Variants in WDFY3 observed in about 807,000 individuals in gnomAD.
WDFY3 encodes WD repeat and FYVE domain containing 3, also known as WD repeat and FYVE domain-containing protein 3.
In WDFY3, 66 loss-of-function variants were observed where a neutral mutation model predicts 409.6. The ratio of observed to expected loss-of-function variants is 0.16; its 90% CI spans 0.13 to 0.20. The LOEUF is 0.20. Ranked by LOEUF, WDFY3 falls within the 10% of genes least tolerant of loss-of-function variation. The pLI, the probability that WDFY3 is intolerant of heterozygous loss-of-function variation, is 1.00. For missense variants in WDFY3, 3,031 were observed against 4,298.1 expected (o/e 0.71, Z 8.24); for synonymous variants, 1,521 against 1,537.1 (o/e 0.99, Z 0.25).
intron 29 of WDFY3, among the ~76,000 whole-genome samples, chr4:84,774,052 T>C (rs1177146689): frequency 6.6e-6 from 1 of 152,172 alleles, no homozygotes; most frequent in Non-Finnish European, 1.5e-5. Context: ...TGAAGGCAAA[T>C]TAATAAAAAA....
At chr4:84,834,867 T>G (rs1756349867) in intron 7 of WDFY3, among the ~76,000 whole-genome samples, 1 of 152,156 alleles carries the variant, frequency 6.6e-6, no homozygotes, top group Non-Finnish European at 1.5e-5. Context: ...TTTAAAACAT[T>G]TAATAAGTTC....
chr4:84,785,830 C>A, intron 24 of WDFY3, 149 bp downstream of exon 24: 1 of 952,328 alleles, frequency 1.1e-6, no homozygotes, highest in Admixed American at 3.3e-5. Flanking sequence ...TTTTGGCCTA[C>A]ATTTGAAGTC....
At chr4:84,867,550 A>G (rs1761557940) in intron 3 of WDFY3, among the ~76,000 whole-genome samples, 1 of 152,218 alleles carries the variant, frequency 6.6e-6, no homozygotes, top group South Asian at 2.1e-4. Flanking sequence ...TAGCAATGAG[A>G]TAATTACTGC....
chr4:84,953,085 A>G (rs1301716396), intron 1 of WDFY3, among the ~76,000 whole-genome samples: 1 of 151,972 alleles, frequency 6.6e-6, no homozygotes, highest in Non-Finnish European at 1.5e-5. Flanking sequence ...TAAAAAATGG[A>G]ATATTATTCA....
intron 54 of WDFY3, 59 bp downstream of exon 54, chr4:84,705,335 C>T: frequency 1.5e-6 from 2 of 1,377,204 alleles, no homozygotes; most frequent in Non-Finnish European, 2.1e-6. Flanking sequence ...CAGACCGCTA[C>T]ATAATGACTT....
At chr4:84,895,770 C>T (rs190691934) in intron 3 of WDFY3, among the ~76,000 whole-genome samples, 15 of 152,050 alleles carry the variant, frequency 9.9e-5, no homozygotes, top group Non-Finnish European at 1.6e-4. Context: ...ACAAGTAATG[C>T]CACTGACAAA....
chr4:84,702,052 A>G (rs2148933267), intron 56 of WDFY3, among the ~76,000 whole-genome samples: 1 of 152,318 alleles, frequency 6.6e-6, no homozygotes, highest in Non-Finnish European at 1.5e-5. Flanking sequence ...TCTGTTGCCC[A>G]GGCTGGCGTG....
At chr4:84,683,865 TA>T in intron 63 of WDFY3, 77 bp downstream of exon 63, 1 of 1,450,088 alleles carries the variant, frequency 6.9e-7, no homozygotes, top group Non-Finnish European at 9.4e-7. Flanking sequence ...CAGGTGTTCT[TA>T]ACCTGTAATT....
intron 5 of WDFY3, among the ~76,000 whole-genome samples, chr4:84,845,160 TAAC>T (rs746120945): frequency 6.6e-6 from 1 of 152,136 alleles, no homozygotes; most frequent in Non-Finnish European, 1.5e-5. Context: ...ACACCCAAAA[TAAC>T]AAGTCTTCCA....
chr4:84,872,767 T>C (rs1232329408), intron 3 of WDFY3, among the ~76,000 whole-genome samples: 1 of 152,026 alleles, frequency 6.6e-6, no homozygotes, highest in Non-Finnish European at 1.5e-5. Flanking sequence ...ATCAGATAGG[T>C]TAAAGGTAAA....
chr4:84,835,379 T>C (rs1441937510), intron 7 of WDFY3, among the ~76,000 whole-genome samples: 2 of 152,226 alleles, frequency 1.3e-5, no homozygotes, highest in African/African-American at 4.8e-5. Context: ...CTTCATTTAT[T>C]CCCATTGCTT....
chr4:84,798,595 T>C (rs1475232502), intron 17 of WDFY3, among the ~76,000 whole-genome samples: 1 of 152,218 alleles, frequency 6.6e-6, no homozygotes, highest in Non-Finnish European at 1.5e-5. Context: ...GCATTTCTTA[T>C]GTTCTGCATC....
rs536780053 is a variant in WDFY3, at chr4:84,694,729, A to C, written c.8901+1241T>G. ...GAGGACTGCTTGAGTCTAGGAGTTC[A>C]AGACCAGCCTGGGCAACATAGTGAG... On this transcript the variant is annotated intron_variant, in intron 58 of 67. Transcript: ENST00000295888. Among the ~76,000 whole-genome samples the C allele has an allele frequency of 9.2e-5, 14 of 152,190 alleles. No individual in the cohort carries two copies. In the East Asian group the frequency reaches 2.7e-3, roughly 29 times the overall value.
rs754492946 is a variant in WDFY3 at position 84,810,358 on chromosome 4, A to G, written c.1888-14T>C. The G allele has an allele frequency of 6.6e-7, 1 of 1,524,928 alleles. No homozygotes were observed. The highest frequency in any genetic ancestry group is 8.7e-7 in the Non-Finnish European group (1 of 1,143,868). The allele number at this position is 1,524,928 out of a possible 1,614,324, so 94.5% of individuals were successfully genotyped here. ...CGACAGGAGGGCCTACAGGAGACAA[A>G]AGAAAAAACAAATGAAAATACACAT... On this transcript the variant is annotated splice_polypyrimidine_tract_variant and intron_variant, in intron 13 of 67. Transcript: ENST00000295888.
intron 4 of WDFY3, among the ~76,000 whole-genome samples, chr4:84,855,974 T>C (rs530301334): frequency 6.6e-6 from 1 of 152,326 alleles, no homozygotes; most frequent in East Asian, 1.9e-4. Context: ...TGTCCAGTTC[T>C]GCCAGTGACT....
At chr4:84,731,807 G>A (rs575684711) in intron 44 of WDFY3, among the ~76,000 whole-genome samples, 4 of 152,238 alleles carry the variant, frequency 2.6e-5, no homozygotes, top group Admixed American at 6.5e-5. Context: ...ACATATTATG[G>A]TTATTGTAAA....
At position 84,801,634 on chromosome 4, in the gene WDFY3, A is replaced by G; in HGVS notation, c.2822+16T>C. 1 of 1,595,046 alleles carries G rather than the reference A, an allele frequency of 6.3e-7. No homozygotes were observed. The highest frequency in any genetic ancestry group is 8.6e-7 in the Non-Finnish European group (1 of 1,168,158). On this transcript the variant is annotated intron_variant, in intron 17 of 67. Transcript: ENST00000295888. The stretch of plus-strand genomic sequence containing the variant: ...ATTACTAATTGTGGACTATTTGAGT[A>G]TGAAAGAGAACTTACCTCAACACCA...
At chr4:84,957,258 C>CAAA (rs149018066) in intron 1 of WDFY3, among the ~76,000 whole-genome samples, 2 of 59,362 alleles carry the variant, frequency 3.4e-5, no homozygotes, top group African/African-American at 6.1e-5. Flanking sequence ...TTTCATATAC[C>CAAA]AAAAAAAAAA....
chr4:84,844,391 A>G (rs934074401), intron 5 of WDFY3: 44 of 1,265,198 alleles, frequency 3.5e-5, no homozygotes, highest in Non-Finnish European at 4.2e-5. Flanking sequence ...ACAATATTAG[A>G]ACTCACAGCT....
Sources: gnomAD v4.1 joint callset for allele counts (sites outside exome capture counted in the v4.1 genomes callset) on GRCh38, gnomAD v4.1.1 for gene constraint, MANE v1.5 for transcripts, NCBI Gene and HGNC (gene_info 2026-07-23, HGNC 2026-07-21) for gene names.